Variants in CLVS1 observed in about 807,000 individuals in gnomAD.
CLVS1 encodes clavesin-1.
CLVS1 carries 10 observed loss-of-function variants against 33.1 expected under a neutral mutation model. The ratio of observed to expected loss-of-function variants is 0.30; its 90% CI spans 0.19 to 0.51. The LOEUF is 0.51. Ranked by LOEUF, CLVS1 falls within the 20% of genes least tolerant of loss-of-function variation. CLVS1 has a pLI of 0.97. For missense variants in CLVS1, 343 were observed against 433.4 expected (o/e 0.79, Z 1.85); for synonymous variants, 163 against 166.1 (o/e 0.98, Z 0.14).
At chr8:61,035,865 C>T in the CLVS1 span, among the ~76,000 whole-genome samples, 1 of 152,194 alleles carries the variant, frequency 6.6e-6, no homozygotes, top group Non-Finnish European at 1.5e-5. Flanking sequence ...ACTGGTTTAA[C>T]TTGACATCCA....
intron 2 of CLVS1, among the ~76,000 whole-genome samples, chr8:61,148,641 G>T (rs976075766): frequency 2.0e-5 from 3 of 152,216 alleles, no homozygotes; most frequent in Non-Finnish European, 4.4e-5. Context: ...AAGCACAGTT[G>T]ATACCAGTGT....
At chr8:61,423,758 A>T (rs1815773356) in intron 3 of CLVS1, among the ~76,000 whole-genome samples, 1 of 152,198 alleles carries the variant, frequency 6.6e-6, no homozygotes, top group Admixed American at 6.5e-5. Flanking sequence ...TATATTATAA[A>T]GTCTACTTAT....
At chr8:61,185,593 CTT>C (rs1278724660) in intron 2 of CLVS1, among the ~76,000 whole-genome samples, 1 of 151,966 alleles carries the variant, frequency 6.6e-6, no homozygotes, top group South Asian at 2.1e-4. Flanking sequence ...TGTAAATAAA[CTT>C]TATGTATATT....
chr8:61,039,647 C>T, the CLVS1 span, among the ~76,000 whole-genome samples: 5 of 152,174 alleles, frequency 3.3e-5, no homozygotes, highest in South Asian at 1.0e-3. Context: ...CTCAAGTGAT[C>T]CTCCTGCCTC....
chr8:61,352,703 A>C (rs1302851909), intron 2 of CLVS1, among the ~76,000 whole-genome samples: 1 of 152,050 alleles, frequency 6.6e-6, no homozygotes, highest in Non-Finnish European at 1.5e-5. Flanking sequence ...AAGAAGACAT[A>C]AATAAGTCAG....
chr8:61,447,695 T>C (rs1233184250), intron 3 of CLVS1, among the ~76,000 whole-genome samples: 1 of 152,038 alleles, frequency 6.6e-6, no homozygotes, highest in East Asian at 1.9e-4. Context: ...GTCTTAAATA[T>C]TTCCTCCCCT....
chr8:61,287,939 C>T (rs1355951909), upstream of CLVS1: 3 of 369,294 alleles, frequency 8.1e-6, no homozygotes, highest in Admixed American at 3.3e-5. Flanking sequence ...AGCTAGGCTC[C>T]GTATAGAAGG....
At chr8:61,084,961 TA>T (rs1352302567) in intron 1 of CLVS1, among the ~76,000 whole-genome samples, 1 of 152,180 alleles carries the variant, frequency 6.6e-6, no homozygotes, top group African/African-American at 2.4e-5. Flanking sequence ...TGTTTTCACA[TA>T]ATAGTACAAA....
At chr8:61,072,640 T>C (rs181293698) in intron 1 of CLVS1, among the ~76,000 whole-genome samples, 30 of 152,340 alleles carry the variant, frequency 2.0e-4, no homozygotes, top group African/African-American at 6.7e-4. Context: ...AGAAAACCAA[T>C]GTAAACACAG....
At chr8:61,149,474 C>T (rs1227106646) in intron 2 of CLVS1, among the ~76,000 whole-genome samples, 1 of 149,232 alleles carries the variant, frequency 6.7e-6, no homozygotes, top group Non-Finnish European at 1.5e-5. Flanking sequence ...ATCACTTGAA[C>T]CCGGAAGGTG....
chr8:61,123,003 C>A (rs1431822632), intron 1 of CLVS1, among the ~76,000 whole-genome samples: 1 of 144,336 alleles, frequency 6.9e-6, no homozygotes, highest in African/African-American at 2.5e-5. Flanking sequence ...GGCACGGTGG[C>A]TCACACCTGT....
At chr8:61,462,528 T>C (rs1326267762) in intron 5 of CLVS1, among the ~76,000 whole-genome samples, 1 of 152,090 alleles carries the variant, frequency 6.6e-6, no homozygotes, top group African/African-American at 2.4e-5. Flanking sequence ...ATGTATTTCT[T>C]AAGTAATAAG....
At chr8:60,980,271 C>T in the CLVS1 span, among the ~76,000 whole-genome samples, 1 of 152,156 alleles carries the variant, frequency 6.6e-6, no homozygotes, top group Admixed American at 6.5e-5. Context: ...TACCTCAATC[C>T]TTAACTAATT....
chr8:61,289,428 A>C (rs764570113), intron 1 of CLVS1, among the ~76,000 whole-genome samples: 1 of 152,238 alleles, frequency 6.6e-6, no homozygotes, highest in Non-Finnish European at 1.5e-5. Context: ...TATAAGAGCT[A>C]ACAAGCACCA....
At chr8:61,391,209 A>G (rs2129602735) in intron 3 of CLVS1, 1 of 152,346 alleles carries the variant, frequency 6.6e-6, no homozygotes, top group African/African-American at 2.4e-5. Context: ...TCATTCTGTG[A>G]GAAATGTCAG....
intron 2 of CLVS1, among the ~76,000 whole-genome samples, chr8:61,361,140 G>T (rs1244044298): frequency 6.6e-6 from 1 of 152,156 alleles, no homozygotes; most frequent in Non-Finnish European, 1.5e-5. Flanking sequence ...ACACCACCAA[G>T]GGGAAGGTGC....
In CLVS1 at chr8:61,265,107, C is replaced by A. The variant is rs368056966; in HGVS notation, c.-151-34570C>A. Among the ~76,000 whole-genome samples, 4 of 152,182 alleles carry A rather than the reference C, an allele frequency of 2.6e-5. No individual in the cohort carries two copies. The East Asian group carries it at 7.7e-4, about 29-fold the overall frequency. On this transcript the variant is annotated intron_variant, in intron 2 of 2. Transcript: ENST00000522621. ...TGACTCCTCATGACCTCCAAACATA[C>A]ATCCAATTAAATTTTCAACATTATC...
intron 5 of CLVS1, among the ~76,000 whole-genome samples, chr8:61,484,211 A>AG (rs1803779268): frequency 6.6e-6 from 1 of 152,204 alleles, no homozygotes; most frequent in Admixed American, 6.5e-5. Flanking sequence ...CTCAGCCCTA[A>AG]ATCTCCTTAA....
chr8:61,298,894 A>G (rs570535998), intron 1 of CLVS1, among the ~76,000 whole-genome samples: 148 of 152,186 alleles, frequency 9.7e-4, no homozygotes, highest in Non-Finnish European at 1.6e-3. Flanking sequence ...GTTATATACA[A>G]TGGAAGGATT....
Sources: allele counts gnomAD v4.1 joint callset (sites outside exome capture counted in the v4.1 genomes callset), GRCh38; gene constraint gnomAD v4.1.1; transcripts MANE v1.5; gene names NCBI Gene and HGNC (gene_info 2026-07-23, HGNC 2026-07-21).